NINL: variants seen among roughly 807,000 people sequenced by gnomAD.
NINL encodes ninein-like protein.
In NINL, 153 loss-of-function variants were observed where a neutral mutation model predicts 160.3. The ratio of observed to expected loss-of-function variants is 0.95; its 90% CI spans 0.84 to 1.09. NINL has a LOEUF of 1.09. NINL is among the 50% of genes least tolerant of loss of function. The pLI is 0.00. For missense variants in NINL, 1,829 were observed against 1,764.0 expected (o/e 1.04, Z -0.66); for synonymous variants, 800 against 734.8 (o/e 1.09, Z -1.43).
chr20:25,575,389 G>C (rs911324446), intron 1 of NINL, among the ~76,000 whole-genome samples: 1 of 147,988 alleles, frequency 6.8e-6, no homozygotes, highest in East Asian at 2.0e-4. Context: ...GGAGCTTGCA[G>C]TGAGCCGAGA....
At chr20:25,523,261 T>C (rs2064296417) in intron 2 of NINL, among the ~76,000 whole-genome samples, 1 of 151,880 alleles carries the variant, frequency 6.6e-6, no homozygotes, top group Non-Finnish European at 1.5e-5. Context: ...AGAATATATA[T>C]ATATATATGA....
intron 3 of NINL, among the ~76,000 whole-genome samples, chr20:25,516,869 A>G (rs1240869045): frequency 6.6e-6 from 1 of 152,152 alleles, no homozygotes; most frequent in Non-Finnish European, 1.5e-5. Context: ...CAGTGCACAC[A>G]CAAGGGCCCA....
intron 1 of NINL, among the ~76,000 whole-genome samples, chr20:25,535,254 G>A (rs2064536151): frequency 6.6e-6 from 1 of 152,190 alleles, no homozygotes; most frequent in African/African-American, 2.4e-5. Context: ...AAGTGGCCAG[G>A]GGCTGGTGTC....
chr20:25,567,058 A>G (rs538696324), intron 1 of NINL, among the ~76,000 whole-genome samples: 1 of 152,260 alleles, frequency 6.6e-6, no homozygotes, highest in South Asian at 2.1e-4. Flanking sequence ...GTGAACTATG[A>G]TCTCACCACT....
chr20:25,533,635 T>C (rs1416410904), intron 1 of NINL, among the ~76,000 whole-genome samples: 1 of 152,090 alleles, frequency 6.6e-6, no homozygotes, highest in Non-Finnish European at 1.5e-5. Flanking sequence ...CCCCCATGCA[T>C]ACAAATGATC....
intron 1 of NINL, among the ~76,000 whole-genome samples, chr20:25,575,710 C>T (rs1045331739): frequency 6.6e-5 from 10 of 151,140 alleles, no homozygotes; most frequent in Admixed American, 2.6e-4. Flanking sequence ...GAGATCGCGC[C>T]ATCCAGCCTG....
intron 1 of NINL, among the ~76,000 whole-genome samples, chr20:25,570,156 G>C (rs2065037919): frequency 6.6e-6 from 1 of 152,140 alleles, no homozygotes; most frequent in African/African-American, 2.4e-5. Flanking sequence ...CTCCAGCCTG[G>C]GCGACAGAGC....
intron 13 of NINL, among the ~76,000 whole-genome samples, chr20:25,486,385 T>C (rs1437259464): frequency 6.6e-6 from 1 of 152,166 alleles, no homozygotes; most frequent in African/African-American, 2.4e-5. Flanking sequence ...AACAGAATCA[T>C]GTTAAAGAAA....
chr20:25,555,778 G>A (rs960310157), intron 1 of NINL, among the ~76,000 whole-genome samples: 2 of 152,148 alleles, frequency 1.3e-5, no homozygotes, highest in Admixed American at 6.5e-5. Flanking sequence ...GGGTTCAAGC[G>A]ATTCTCGTGC....
intron 11 of NINL, among the ~76,000 whole-genome samples, chr20:25,490,537 G>A (rs1417624462): frequency 1.3e-5 from 2 of 149,348 alleles, no homozygotes; most frequent in Non-Finnish European, 3.0e-5. Context: ...TCTAGCCTGG[G>A]CGACAGAGCG....
At chr20:25,458,583 G>A in intron 21 of NINL, 54 bp from the exon 22 acceptor site, 2 of 1,475,760 alleles carry the variant, frequency 1.4e-6, no homozygotes, top group South Asian at 1.4e-5. Context: ...GCGGCACAGA[G>A]GAGCACCCTC....
chr20:25,513,053 T>G (rs1485108267), intron 3 of NINL, 47 bp from the exon 4 acceptor site: 1 of 1,562,162 alleles, frequency 6.4e-7, no homozygotes, highest in South Asian at 1.2e-5. Context: ...ATAGCAGTTC[T>G]GGGCCCATGC....
In NINL at chr20:25,521,454, T is replaced by A. The variant is rs573112305; in HGVS notation, c.181-3605A>T. ...TCCATTGTCAGTTGTTTCTGCTAGTTCTTGCTCATCTGTCTTGTTTGTTTG... is the reference window on the plus strand; with the variant it reads ...TCCATTGTCAGTTGTTTCTGCTAGTACTTGCTCATCTGTCTTGTTTGTTTG... On this transcript the variant is annotated intron_variant, in intron 2 of 23. Coordinates refer to ENST00000278886, the MANE Select transcript of NINL (RefSeq NM_025176.6). Among the ~76,000 whole-genome samples, 3 of 152,370 alleles carry A rather than the reference T, an allele frequency of 2.0e-5. No homozygotes were observed. In the South Asian group the frequency reaches 6.2e-4, roughly 32 times the overall value.
chr20:25,550,124 T>C (rs2064788543), intron 1 of NINL, among the ~76,000 whole-genome samples: 1 of 152,260 alleles, frequency 6.6e-6, no homozygotes, highest in Non-Finnish European at 1.5e-5. Flanking sequence ...CTCATGCCTG[T>C]AATCCCAGGA....
intron 1 of NINL, among the ~76,000 whole-genome samples, chr20:25,550,298 C>T (rs749288859): frequency 2.0e-5 from 3 of 152,186 alleles, no homozygotes; most frequent in Non-Finnish European, 4.4e-5. Context: ...CCACTTGAGC[C>T]GAGAGGTTAA....
rs772102453 is a variant in NINL at position 25,462,524 on chromosome 20, A to G, written c.3441T>C (p.Asp1147=). 8 of 1,613,250 alleles carry G rather than the reference A, an allele frequency of 5.0e-6. No homozygotes were observed. Among genetic ancestry groups the G allele is most frequent in the Non-Finnish European group, 5.9e-6 (7 of 1,179,872 alleles). The change falls in exon 20 of 24, where the codon GAT becomes GAC. Residue 1147 remains aspartate (D), a synonymous_variant. Coordinates refer to ENST00000278886, the MANE Select transcript of NINL (RefSeq NM_025176.6). ...CCCTGACATTGAGCTGGGATAATTG[A>G]TCCTTGTAGTTCTGATTCTGGGGGA... The part of the protein sequence containing the change: ...VLNRQNQNYK[D]QLSQLNVRVL...
chr20:25,467,452 T>C lies in NINL; in HGVS notation c.3360A>G (p.Glu1120=). The change falls in exon 19 of 24, where the codon GAA becomes GAG. Residue 1120 remains glutamate (E), a synonymous_variant. Coordinates refer to ENST00000278886, the MANE Select transcript of NINL (RefSeq NM_025176.6). ...CCTTGTCTTTCTTTAAAACCTCAAT[T>C]TCCTTCCTGTTGAAGAAGCACAATT... ...AESTHDAQRK[E]IEVLKKDKEK... 1 of 1,613,552 alleles carries C rather than the reference T, an allele frequency of 6.2e-7. No individual in the cohort carries two copies. The highest frequency in any genetic ancestry group is 8.5e-7 in the Non-Finnish European group (1 of 1,179,454).
Position 25,453,270 on chromosome 20 carries a change from C to T in NINL, c.*181G>A, listed in dbSNP as rs1358290633. On this transcript the variant is annotated 3_prime_UTR_variant, in exon 24 of 24. Transcript: ENST00000278886. ...CGGCTTCTGCAACATGCATATTCCCCCAGCCCCCACCTCCATCTTGCCCAG... is the reference window on the plus strand; with the variant it reads ...CGGCTTCTGCAACATGCATATTCCCTCAGCCCCCACCTCCATCTTGCCCAG... 2.0e-6 allele frequency: 1 copy of T among 489,800 alleles called. No homozygotes were observed. The highest frequency in any genetic ancestry group is 3.4e-6 in the Non-Finnish European group (1 of 291,102). The allele number at this position is 489,800 out of a possible 1,614,324, so 30.3% of individuals were successfully genotyped here.
chr20:25,478,622 G>A (rs1374764155), intron 16 of NINL, among the ~76,000 whole-genome samples: 1 of 152,206 alleles, frequency 6.6e-6, no homozygotes, highest in Non-Finnish European at 1.5e-5. Context: ...CTGGAGAAGC[G>A]GGTGTCTCTG....
Sources: allele counts gnomAD v4.1 joint callset (sites outside exome capture counted in the v4.1 genomes callset), GRCh38; gene constraint gnomAD v4.1.1; transcripts MANE v1.5; gene names NCBI Gene and HGNC (gene_info 2026-07-23, HGNC 2026-07-21).